TEC: variants seen among roughly 807,000 people sequenced by gnomAD.
The protein encoded by TEC is tyrosine-protein kinase Tec.
A neutral mutation model predicts 93.0 loss-of-function variants in TEC; 72 were observed. The ratio of observed to expected loss-of-function variants is 0.77; its 90% CI spans 0.64 to 0.94. The LOEUF is 0.94. Among genes scored for constraint, TEC ranks in the 40% least tolerant of loss-of-function variants. The pLI is 0.00. For missense variants in TEC, 630 were observed against 757.9 expected (o/e 0.83, Z 1.98); for synonymous variants, 249 against 247.7 (o/e 1.01, Z -0.05).
intron 2 of TEC, among the ~76,000 whole-genome samples, chr4:48,225,739 C>A (rs1272855280): frequency 6.7e-6 from 1 of 148,862 alleles, no homozygotes; most frequent in Non-Finnish European, 1.5e-5. Flanking sequence ...TTACTACTGA[C>A]AATTATTTTA....
intron 1 of TEC, among the ~76,000 whole-genome samples, chr4:48,264,505 A>G (rs1442390232): frequency 6.6e-6 from 1 of 152,210 alleles, no homozygotes; most frequent in Non-Finnish European, 1.5e-5. Flanking sequence ...CTCTGGGGAA[A>G]AGAATGGAAA....
chr4:48,244,707 T>G (rs1370459446), intron 1 of TEC, among the ~76,000 whole-genome samples: 3 of 152,238 alleles, frequency 2.0e-5, no homozygotes, highest in Non-Finnish European at 4.4e-5. Context: ...ACATTCCACA[T>G]GGAAAACACA....
intron 8 of TEC, among the ~76,000 whole-genome samples, chr4:48,159,403 A>AT (rs1282965075): frequency 6.6e-6 from 1 of 151,910 alleles, no homozygotes; most frequent in African/African-American, 2.4e-5. Flanking sequence ...TTTCTTTTTT[A>AT]TTTTTTTGGG....
chr4:48,143,503 A>G (rs1418984233), intron 14 of TEC, among the ~76,000 whole-genome samples: 1 of 152,180 alleles, frequency 6.6e-6, no homozygotes, highest in African/African-American at 2.4e-5. Flanking sequence ...CAGCATGTCT[A>G]TTTTACAAAG....
intron 2 of TEC, among the ~76,000 whole-genome samples, chr4:48,225,096 AT>A (rs990250142): frequency 6.6e-6 from 1 of 152,160 alleles, no homozygotes; most frequent in Admixed American, 6.5e-5. Context: ...CTAGAGTCAC[AT>A]TTTTTTAACA....
intron 8 of TEC, among the ~76,000 whole-genome samples, chr4:48,161,531 AG>A: frequency 1.3e-5 from 2 of 151,716 alleles, no homozygotes; most frequent in South Asian, 4.2e-4. Flanking sequence ...GCCCAGTGAC[AG>A]TCTGTGGCCT....
At chr4:48,269,543 C>A (rs1401476797) in intron 1 of TEC, among the ~76,000 whole-genome samples, 2 of 152,262 alleles carry the variant, frequency 1.3e-5, no homozygotes, top group African/African-American at 4.8e-5. Context: ...TGCGCCACTG[C>A]GCGCACCTGT....
chr4:48,178,138 T>C (rs1721408496), intron 2 of TEC, among the ~76,000 whole-genome samples: 1 of 152,122 alleles, frequency 6.6e-6, no homozygotes, highest in Non-Finnish European at 1.5e-5. Context: ...CTAACTGCCA[T>C]CTCTATGCCC....
chr4:48,182,535 CTGTGTGTGTGTGTGTGTG>C lies in TEC; in HGVS notation c.139-6367_139-6350del, dbSNP rs60434609. 8.8e-3 allele frequency among the ~76,000 whole-genome samples: 1,293 copies of C among 147,330 alleles called. 9 individuals are homozygous for C. The highest frequency in any genetic ancestry group is 0.015 in the Non-Finnish European group (1,029 of 66,996). On this transcript the variant is annotated intron_variant, in intron 2 of 17. Transcript: ENST00000381501. ...TATGCAAAGGACCATGGGCAATACT[CTGTGTGTGTGTGTGTGTG>C]TGTGTGTGTGTGTGTGTCCTCTCTT...
intron 2 of TEC, among the ~76,000 whole-genome samples, chr4:48,198,240 A>C (rs1722372360): frequency 6.6e-6 from 1 of 152,210 alleles, no homozygotes; most frequent in Non-Finnish European, 1.5e-5. Flanking sequence ...CGCCAGGGCG[A>C]TGGTCAGGCA....
intron 1 of TEC, among the ~76,000 whole-genome samples, chr4:48,247,866 A>G (rs1724100808): frequency 6.6e-6 from 1 of 152,260 alleles, no homozygotes; most frequent in African/African-American, 2.4e-5. Flanking sequence ...TGTTAATTGA[A>G]TTTATTCTCA....
intron 2 of TEC, among the ~76,000 whole-genome samples, chr4:48,185,089 AC>A (rs1346118350): frequency 1.3e-5 from 2 of 152,230 alleles, no homozygotes; most frequent in Non-Finnish European, 2.9e-5. Flanking sequence ...TATGGAATGT[AC>A]AAAAACCCAA....
chr4:48,265,505 A>ATG (rs1560430110), intron 1 of TEC, among the ~76,000 whole-genome samples: 1 of 104,092 alleles, frequency 9.6e-6, no homozygotes, highest in African/African-American at 3.1e-5. Context: ...GTGTATATAT[A>ATG]TATATATATA....
At position 48,145,157 on chromosome 4, in the gene TEC, G is replaced by A. The variant is rs933953360; in HGVS notation, c.1392C>T (p.Asp464=). 1.5e-5 allele frequency: 24 copies of A among 1,613,942 alleles called. No homozygotes were observed. The highest frequency in any genetic ancestry group is 5.5e-5 in the South Asian group (5 of 91,072). Residue 464 remains aspartate (D), a synonymous_variant, in exon 14 of 18, where the codon GAC becomes GAT. Transcript: ENST00000381501. ...CATCCTGACACATGCTCAGCAGTACGTCTCTACTGAAATGACCTTGTCTCT... is the reference window on the plus strand; with the variant it reads ...CATCCTGACACATGCTCAGCAGTACATCTCTACTGAAATGACCTTGTCTCT... The part of the protein sequence containing the change: ...LRQRQGHFSR[D]VLLSMCQDVC...
intron 9 of TEC, among the ~76,000 whole-genome samples, chr4:48,155,196 A>G (rs1287029241): frequency 2.6e-5 from 4 of 152,248 alleles, no homozygotes; most frequent in African/African-American, 7.2e-5. Context: ...TCCTTTATCT[A>G]TATGTTTTAT....
chr4:48,217,078 C>T (rs1472834633), intron 2 of TEC, among the ~76,000 whole-genome samples: 1 of 151,600 alleles, frequency 6.6e-6, no homozygotes, highest in African/African-American at 2.4e-5. Flanking sequence ...GGGGAGGAAA[C>T]GAGAGAGATG....
At chr4:48,217,962 A>G (rs1049803362) in intron 2 of TEC, among the ~76,000 whole-genome samples, 1 of 152,044 alleles carries the variant, frequency 6.6e-6, no homozygotes, top group Non-Finnish European at 1.5e-5. Context: ...TAGAGAAAAA[A>G]AAAAAAAGAC....
At chr4:48,184,972 T>G (rs1175340864) in intron 2 of TEC, among the ~76,000 whole-genome samples, 1 of 152,134 alleles carries the variant, frequency 6.6e-6, no homozygotes, top group African/African-American at 2.4e-5. Flanking sequence ...CCTTCAGCCA[T>G]GTTCATTAAA....
intron 3 of TEC, among the ~76,000 whole-genome samples, chr4:48,173,863 C>T (rs1560389740): frequency 6.6e-6 from 1 of 152,284 alleles, no homozygotes; most frequent in East Asian, 1.9e-4. Flanking sequence ...AAGGAGCAAC[C>T]ATCCCATCTA....
Sources: gnomAD v4.1 joint callset for allele counts (sites outside exome capture counted in the v4.1 genomes callset) on GRCh38, gnomAD v4.1.1 for gene constraint, MANE v1.5 for transcripts, NCBI Gene and HGNC (gene_info 2026-07-23, HGNC 2026-07-21) for gene names.